The following PARD3B variants were observed in gnomAD, a reference collection of about 807,000 sequenced individuals.
PARD3B encodes the protein partitioning defective 3 homolog B.
A neutral mutation model predicts 130.2 loss-of-function variants in PARD3B; 103 were observed. The observed-to-expected ratio is 0.79, with a 90% CI of 0.67 to 0.93. PARD3B has a LOEUF of 0.93. PARD3B is among the 40% of genes least tolerant of loss of function. The pLI, the probability that PARD3B is intolerant of heterozygous loss-of-function variation, is 0.00. For synonymous variants in PARD3B, 583 were observed against 553.2 expected (o/e 1.05, Z -0.76); for missense variants, 1,609 against 1,499.2 (o/e 1.07, Z -1.21).
chr2:205,013,202 G>T (rs1695864636), intron 3 of PARD3B, among the ~76,000 whole-genome samples: 1 of 152,170 alleles, frequency 6.6e-6, no homozygotes, highest in African/African-American at 2.4e-5. Context: ...CAGGCACAGA[G>T]CCATGGCCCC....
intron 2 of PARD3B, among the ~76,000 whole-genome samples, chr2:204,899,429 C>G (rs2046778531): frequency 2.0e-5 from 3 of 152,058 alleles, no homozygotes; most frequent in Admixed American, 2.0e-4. Context: ...CAAATAATCT[C>G]TAATAACCCA....
chr2:204,795,275 A>T (rs543028072), intron 2 of PARD3B, among the ~76,000 whole-genome samples: 1 of 152,250 alleles, frequency 6.6e-6, no homozygotes, highest in East Asian at 1.9e-4. Context: ...ATTGATAGTG[A>T]TTGAGTCATT....
chr2:204,724,626 G>A (rs965727438), intron 2 of PARD3B, among the ~76,000 whole-genome samples: 1 of 152,094 alleles, frequency 6.6e-6, no homozygotes, highest in Non-Finnish European at 1.5e-5. Flanking sequence ...TAGGTGTGCT[G>A]CATAACTTGG....
rs527958063 is a variant in PARD3B at position 204,808,777 on chromosome 2, G to T, written c.222+122495G>T. On this transcript the variant is annotated intron_variant, in intron 2 of 22. Coordinates refer to ENST00000406610, the MANE Select transcript of PARD3B (RefSeq NM_001302769.2). Reference sequence around the variant, plus strand: ...TTCCATTTCTTTGCTATTGTGAATAGTGTTGCAAAGAACACATACATGAAT... The same window carrying T: ...TTCCATTTCTTTGCTATTGTGAATATTGTTGCAAAGAACACATACATGAAT... Among the ~76,000 whole-genome samples, 117 of 152,224 alleles carry T rather than the reference G, an allele frequency of 7.7e-4. 1 individual carries two copies. Among genetic ancestry groups the T allele is most frequent in the Middle Eastern group, 3.4e-3 (1 of 294 alleles).
chr2:205,260,354 G>T lies in PARD3B; in HGVS notation c.2185+14532G>T, dbSNP rs190359510. On this transcript the variant is annotated intron_variant, in intron 16 of 22. Coordinates refer to ENST00000406610, the MANE Select transcript of PARD3B (RefSeq NM_001302769.2). ...AAGTTCTGGATTTAGGAGTATTTCA[G>T]ATTTTGGATTGTTGGAATAGGGATG... is the stretch of plus-strand genomic sequence containing the variant. Among the ~76,000 whole-genome samples the T allele has an allele frequency of 3.0e-3, 462 of 152,196 alleles. 2 individuals are homozygous for T. Among genetic ancestry groups the T allele is most frequent in the Non-Finnish European group, 4.8e-3 (323 of 67,962 alleles).
Position 205,572,497 on chromosome 2 carries a change from C to A in PARD3B, c.3260+19094C>A. Among the ~76,000 whole-genome samples the A allele has an allele frequency of 6.6e-6, 1 of 152,162 alleles. No individual in the cohort carries two copies. Among genetic ancestry groups the A allele is most frequent in the South Asian group, 2.1e-4 (1 of 4,834 alleles). The stretch of plus-strand genomic sequence containing the variant: ...CGGTGGTGCACGCCTGTAATCCCAG[C>A]ACTTTGGGAGGCCAAGGCAGGCGGA... On this transcript the variant is annotated intron_variant, in intron 22 of 22. Coordinates refer to ENST00000406610, the MANE Select transcript of PARD3B (RefSeq NM_001302769.2). The surrounding 1 kb of genome is among the most constrained non-coding windows in gnomAD (Gnocchi z 4.2).
intron 10 of PARD3B, among the ~76,000 whole-genome samples, chr2:205,137,242 C>A (rs531389638): frequency 6.6e-5 from 10 of 151,928 alleles, no homozygotes; most frequent in African/African-American, 2.4e-5. Context: ...TGAAAGATTT[C>A]GTTTATGAGG....
At chr2:205,201,162 A>T (rs144155585) in intron 15 of PARD3B, among the ~76,000 whole-genome samples, 1 of 152,214 alleles carries the variant, frequency 6.6e-6, no homozygotes, top group Non-Finnish European at 1.5e-5. Flanking sequence ...TAAAGATATT[A>T]TGCCTGAAAG....
intron 1 of PARD3B, among the ~76,000 whole-genome samples, chr2:204,639,205 T>A (rs554514408): frequency 2.0e-5 from 3 of 152,188 alleles, no homozygotes; most frequent in Non-Finnish European, 2.9e-5. Flanking sequence ...AATCTTATAA[T>A]CCAAGTCTAA....
intron 15 of PARD3B, among the ~76,000 whole-genome samples, chr2:205,211,314 A>T (rs947429699): frequency 6.6e-6 from 1 of 152,020 alleles, no homozygotes; most frequent in Non-Finnish European, 1.5e-5. Context: ...GTATGTATCC[A>T]TACATACAAT....
At chr2:205,583,205 C>T (rs535627212) in intron 22 of PARD3B, among the ~76,000 whole-genome samples, 2 of 152,268 alleles carry the variant, frequency 1.3e-5, no homozygotes, top group Admixed American at 1.3e-4. Flanking sequence ...CAGGCACTGC[C>T]TGTGTTATCA....
intron 20 of PARD3B, among the ~76,000 whole-genome samples, chr2:205,447,218 A>G (rs948425050): frequency 5.9e-5 from 9 of 152,280 alleles, no homozygotes; most frequent in African/African-American, 1.9e-4. Flanking sequence ...TCCTCCCTCA[A>G]ATGGGGTTTA....
In PARD3B at chr2:204,729,993, AC is replaced by A. The variant is rs1393719915; in HGVS notation, c.222+43712del. Among the ~76,000 whole-genome samples, 227 of 124,246 alleles carry A rather than the reference AC, an allele frequency of 1.8e-3. 1 individual carries two copies. Among genetic ancestry groups the A allele is most frequent in the African/African-American group, 7.6e-3 (221 of 29,260 alleles). 81.5% of individuals were successfully genotyped at this position (124,246 alleles called of 152,430 possible). The stretch of plus-strand genomic sequence containing the variant: ...ACTTTCTAGTTACAGATACACACAC[AC>A]ACAAACACACACACACACACACACA... On this transcript the variant is annotated intron_variant, in intron 2 of 22. Coordinates refer to ENST00000406610, the MANE Select transcript of PARD3B (RefSeq NM_001302769.2).
At chr2:205,340,115 G>A (rs2043466422) in intron 18 of PARD3B, among the ~76,000 whole-genome samples, 1 of 152,064 alleles carries the variant, frequency 6.6e-6, no homozygotes, top group Non-Finnish European at 1.5e-5. Flanking sequence ...TGCTCTCTAA[G>A]CTCCTTGTCA....
chr2:205,575,640 C>T lies in PARD3B; in HGVS notation c.3260+22237C>T, dbSNP rs571102956. Among the ~76,000 whole-genome samples the T allele has an allele frequency of 1.3e-5, 2 of 152,218 alleles. No individual in the cohort carries two copies. Among genetic ancestry groups the T allele is most frequent in the Non-Finnish European group, 2.9e-5 (2 of 68,008 alleles). ...GGAATCACACAGTATGTAGCCTTTT[C>T]AGATTGGCTTCTTTCACTTTATAAT... On this transcript the variant is annotated intron_variant, in intron 22 of 22. Transcript: ENST00000406610. The surrounding 1 kb of genome is among the most constrained non-coding windows in gnomAD (Gnocchi z 4.6).
At chr2:204,814,435 A>T (rs542241168) in intron 2 of PARD3B, among the ~76,000 whole-genome samples, 2 of 151,968 alleles carry the variant, frequency 1.3e-5, no homozygotes, top group South Asian at 2.1e-4. Flanking sequence ...TAGGATATAT[A>T]TTAAAATGTA....
intron 1 of PARD3B, among the ~76,000 whole-genome samples, chr2:204,549,594 TA>T (rs1383577636): frequency 6.6e-6 from 1 of 152,114 alleles, no homozygotes; most frequent in Non-Finnish European, 1.5e-5. Context: ...ATAGGTATTT[TA>T]AAAAGCACTC....
intron 2 of PARD3B, among the ~76,000 whole-genome samples, chr2:204,815,555 C>A (rs887850884): frequency 6.6e-6 from 1 of 151,892 alleles, no homozygotes; most frequent in Admixed American, 6.6e-5. Context: ...TTTACCATTT[C>A]CATTTTGCTG....
At chr2:205,117,280 C>T (rs746762568) in intron 6 of PARD3B, among the ~76,000 whole-genome samples, 2 of 152,178 alleles carry the variant, frequency 1.3e-5, no homozygotes, top group East Asian at 3.9e-4. Context: ...AATTTGCTAA[C>T]CTACTGGAAC....
Sources: allele counts gnomAD v4.1 joint callset (sites outside exome capture counted in the v4.1 genomes callset), GRCh38; gene constraint gnomAD v4.1.1; non-coding constraint Gnocchi (gnomAD v3.1); transcripts MANE v1.5; gene names NCBI Gene and HGNC (gene_info 2026-07-23, HGNC 2026-07-21).